SPECC1L: variants seen among roughly 807,000 people sequenced by gnomAD.
SPECC1L encodes cytospin-A.
In SPECC1L, 40 loss-of-function variants were observed where a neutral mutation model predicts 116.8. That is an observed-to-expected ratio of 0.34 (90% confidence interval 0.27 to 0.45). The LOEUF is 0.45. Ranked by LOEUF, SPECC1L falls within the 20% of genes least tolerant of loss-of-function variation. The pLI, the probability that SPECC1L is intolerant of heterozygous loss-of-function variation, is 1.00. For synonymous variants in SPECC1L, 504 were observed against 500.6 expected (o/e 1.01, Z -0.09); for missense variants, 1,110 against 1,373.6 (o/e 0.81, Z 3.03).
chr22:24,317,576 C>T (rs527691541), intron 4 of SPECC1L, among the ~76,000 whole-genome samples: 4,216 of 143,656 alleles, frequency 0.029, 102 homozygotes, highest in Non-Finnish European at 0.045. Flanking sequence ...AGGCGCCCCT[C>T]GCCTCCCGGA....
At chr22:24,271,526 T>A (rs2048727516) in intron 1 of SPECC1L, among the ~76,000 whole-genome samples, 1 of 152,334 alleles carries the variant, frequency 6.6e-6, no homozygotes, top group East Asian at 1.9e-4. Context: ...TCTTGAGACG[T>A]GGTTAATTGC....
At chr22:24,344,122 T>G (rs1057205134) in intron 10 of SPECC1L, among the ~76,000 whole-genome samples, 1 of 152,112 alleles carries the variant, frequency 6.6e-6, no homozygotes, top group Non-Finnish European at 1.5e-5. Context: ...AAGCTAGCAT[T>G]ACCTGATAGC....
chr22:24,333,587 A>G (rs2040983818), intron 8 of SPECC1L, among the ~76,000 whole-genome samples: 1 of 145,546 alleles, frequency 6.9e-6, no homozygotes, highest in South Asian at 2.2e-4. Context: ...GTAGAATTCT[A>G]TTTGAAGTCT....
intron 10 of SPECC1L, among the ~76,000 whole-genome samples, chr22:24,340,118 A>G (rs1184034038): frequency 1.5e-5 from 2 of 136,592 alleles, no homozygotes; most frequent in Non-Finnish European, 3.1e-5. Flanking sequence ...GGAAGGGAAT[A>G]CTGTTCCACC....
chr22:24,409,907 TG>T (rs2042660859), intron 14 of SPECC1L, among the ~76,000 whole-genome samples: 1 of 152,126 alleles, frequency 6.6e-6, no homozygotes, highest in Non-Finnish European at 1.5e-5. Context: ...CGTACCAGCC[TG>T]TAGTCCCAGC....
At chr22:24,331,170 A>G (rs1440762705) in intron 8 of SPECC1L, among the ~76,000 whole-genome samples, 3 of 152,208 alleles carry the variant, frequency 2.0e-5, no homozygotes, top group African/African-American at 7.2e-5. Context: ...ACTCCATCTA[A>G]GAGTAGGGGA....
chr22:24,408,621 G>A (rs973567325), intron 14 of SPECC1L, among the ~76,000 whole-genome samples: 2 of 152,214 alleles, frequency 1.3e-5, no homozygotes, highest in Non-Finnish European at 2.9e-5. Context: ...GCGTTTCCTC[G>A]TTCCTTAATC....
intron 14 of SPECC1L, among the ~76,000 whole-genome samples, chr22:24,396,488 G>A (rs181558719): frequency 9.2e-5 from 14 of 152,190 alleles, no homozygotes; most frequent in African/African-American, 2.2e-4. Flanking sequence ...AGTTGAGACA[G>A]AGTTTCACCA....
chr22:24,402,937 C>T (rs2042508387), intron 14 of SPECC1L, among the ~76,000 whole-genome samples: 1 of 152,078 alleles, frequency 6.6e-6, no homozygotes, highest in South Asian at 2.1e-4. Flanking sequence ...CTTTCACATC[C>T]CACCCTAAGG....
At chr22:24,353,211 G>A (rs898688975) in intron 11 of SPECC1L, among the ~76,000 whole-genome samples, 5 of 152,054 alleles carry the variant, frequency 3.3e-5, no homozygotes, top group Non-Finnish European at 7.4e-5. Context: ...TTCCACTAAT[G>A]TCCTTTTTTA....
At chr22:24,369,799 C>T (rs995207527) in intron 14 of SPECC1L, among the ~76,000 whole-genome samples, 2 of 152,192 alleles carry the variant, frequency 1.3e-5, no homozygotes, top group Non-Finnish European at 2.9e-5. Flanking sequence ...GTAGCACTTT[C>T]TTACTTAAGT....
chr22:24,302,068 T>C (rs903915011), intron 2 of SPECC1L, 127 bp from the exon 3 acceptor site: 24 of 776,584 alleles, frequency 3.1e-5, no homozygotes, highest in Non-Finnish European at 4.8e-5. Flanking sequence ...AAATTTTTTT[T>C]CAACTTTTCT....
chr22:24,340,957 A>AT (rs1160059242), intron 10 of SPECC1L, among the ~76,000 whole-genome samples: 2 of 152,160 alleles, frequency 1.3e-5, no homozygotes, highest in Non-Finnish European at 2.9e-5. Context: ...ATAAGAAACA[A>AT]TTATTTTCAG....
At chr22:24,393,407 G>T (rs1314188256) in intron 14 of SPECC1L, among the ~76,000 whole-genome samples, 1 of 152,046 alleles carries the variant, frequency 6.6e-6, no homozygotes, top group Non-Finnish European at 1.5e-5. Flanking sequence ...GCAGCTGCAG[G>T]ACTTTCTAGT....
intron 2 of SPECC1L, among the ~76,000 whole-genome samples, chr22:24,292,318 GT>G (rs1262232787): frequency 2.0e-5 from 3 of 152,300 alleles, no homozygotes; most frequent in African/African-American, 7.2e-5. Flanking sequence ...TGAGGGTGGG[GT>G]TTCTGAACCA....
rs2040880603 is a variant in SPECC1L, at chr22:24,328,864, A to G, written c.2165A>G (p.Gln722Arg). Residue 722 changes from glutamine (Q) to arginine (R), a missense_variant, in exon 7 of 17, where the codon CAG becomes CGG. This residue lies in a region of SPECC1L where 575 missense variants were observed against 682.4 expected (regional missense o/e 0.84). Coordinates refer to ENST00000314328, the MANE Select transcript of SPECC1L (RefSeq NM_015330.6). ...TTTTCAGATACAGTTAAAAAACTCCAGGACCAAAAGCACGACATGGAAAGA... is the reference window on the plus strand; with the variant it reads ...TTTTCAGATACAGTTAAAAAACTCCGGGACCAAAAGCACGACATGGAAAGA... Reference protein sequence around the residue: ...SDLENTVKKLQDQKHDMEREI... With the variant: ...SDLENTVKKLRDQKHDMEREI... 1 of 1,613,440 alleles carries G rather than the reference A, an allele frequency of 6.2e-7. No homozygotes were observed. The highest frequency in any genetic ancestry group is 1.1e-5 in the South Asian group (1 of 91,072).
At chr22:24,312,466 G>A (rs57949342) in intron 3 of SPECC1L, among the ~76,000 whole-genome samples, 6,371 of 152,282 alleles carry the variant, frequency 0.042, 446 homozygotes, top group African/African-American at 0.14. Context: ...ATAGAAGATA[G>A]TGTAAATCAG....
At chr22:24,288,867 G>T (rs907523626) in intron 2 of SPECC1L, among the ~76,000 whole-genome samples, 5 of 151,860 alleles carry the variant, frequency 3.3e-5, no homozygotes, top group Non-Finnish European at 5.9e-5. Context: ...CTTGTGATCC[G>T]CCTGCCTTGG....
At chr22:24,351,218 C>G (rs2041414723) in intron 11 of SPECC1L, among the ~76,000 whole-genome samples, 1 of 152,144 alleles carries the variant, frequency 6.6e-6, no homozygotes, top group African/African-American at 2.4e-5. Flanking sequence ...GTTGGGCCTC[C>G]CCTCAGATCT....
Sources: allele counts gnomAD v4.1 joint callset (sites outside exome capture counted in the v4.1 genomes callset), GRCh38; gene constraint gnomAD v4.1.1; regional missense constraint gnomAD v4.1.1; transcripts MANE v1.5; gene names NCBI Gene and HGNC (gene_info 2026-07-23, HGNC 2026-07-21).